Variants in JAK2 observed in about 807,000 individuals in gnomAD.
JAK2 encodes the protein tyrosine-protein kinase JAK2.
In JAK2, 86 loss-of-function variants were observed where a neutral mutation model predicts 139.3. The ratio of observed to expected loss-of-function variants is 0.62; its 90% confidence interval spans 0.52 to 0.74. JAK2 has a LOEUF of 0.74. JAK2 is among the 30% of genes least tolerant of loss of function. The probability of loss-of-function intolerance (pLI) is 0.00; values close to 1 mark genes in which losing one functional copy is unlikely to be tolerated. For synonymous variants in JAK2, 490 were observed against 437.7 expected (o/e 1.12, Z -1.49); for missense variants, 1,421 against 1,360.3 (o/e 1.04, Z -0.70).
At chr9:5,016,790 C>CT (rs1354298675) in intron 2 of JAK2, among the ~76,000 whole-genome samples, 1 of 152,110 alleles carries the variant, frequency 6.6e-6, no homozygotes, top group Admixed American at 6.5e-5. Context: ...ATTATCCTAA[C>CT]TTTTTTTCAC....
At chr9:5,073,852 C>A in intron 14 of JAK2, 67 bp downstream of exon 14, 1 of 1,052,598 alleles carries the variant, frequency 9.5e-7, no homozygotes, top group Non-Finnish European at 1.4e-6. Context: ...ATAGAAAATT[C>A]AGTTTCAGGA....
At chr9:4,984,754 G>A (rs1034390643), upstream of JAK2, 15 of 152,338 alleles carry the variant, frequency 9.8e-5, no homozygotes, top group Admixed American at 5.2e-4. Context: ...GCGCGCTGGG[G>A]AGCCAGCCAG....
intron 2 of JAK2, among the ~76,000 whole-genome samples, chr9:4,999,543 T>C (rs568496660): frequency 2.0e-5 from 3 of 152,262 alleles, no homozygotes; most frequent in South Asian, 4.1e-4. Context: ...AGGATATATA[T>C]ATGAGTTTAT....
intron 2 of JAK2, among the ~76,000 whole-genome samples, chr9:5,004,914 T>C (rs912832101): frequency 6.8e-6 from 1 of 146,774 alleles, no homozygotes; most frequent in Non-Finnish European, 1.5e-5. Context: ...CATTTACATA[T>C]TGTCTTTTTT....
chr9:5,000,474 G>A (rs1004072771), intron 2 of JAK2, among the ~76,000 whole-genome samples: 3 of 152,144 alleles, frequency 2.0e-5, no homozygotes, highest in Non-Finnish European at 1.5e-5. Context: ...AATATAAAGA[G>A]AAGCGTAACA....
intron 22 of JAK2, among the ~76,000 whole-genome samples, chr9:5,118,434 G>A (rs1823369762): frequency 6.6e-6 from 1 of 152,146 alleles, no homozygotes; most frequent in Admixed American, 6.5e-5. Context: ...CAACAAACTT[G>A]TAACTATTCA....
At chr9:5,010,095 A>G (rs532362816) in intron 2 of JAK2, among the ~76,000 whole-genome samples, 11 of 152,142 alleles carry the variant, frequency 7.2e-5, no homozygotes, top group East Asian at 1.9e-4. Flanking sequence ...AATAGAGTCT[A>G]TTTCCTCTAC....
rs139019268 is a variant in JAK2, at chr9:5,116,509, C to A, written c.3060-6495C>A. Among the ~76,000 whole-genome samples, 502 of 152,220 alleles carry A rather than the reference C, an allele frequency of 3.3e-3. 3 individuals are homozygous for A. The highest frequency in any genetic ancestry group is 5.5e-3 in the Non-Finnish European group (374 of 68,014). On this transcript the variant is annotated intron_variant, in intron 22 of 24. Transcript: ENST00000381652. ...TGTTTTGGCCATATCCCCAGTGATA[C>A]ATGAATTTAATTGTTTTTATTGTTT...
At chr9:5,039,305 A>C (rs537362114) in intron 4 of JAK2, among the ~76,000 whole-genome samples, 12 of 152,280 alleles carry the variant, frequency 7.9e-5, no homozygotes, top group Middle Eastern at 3.4e-3. Context: ...TTGTGCTTAC[A>C]CTGAACATGT....
At chr9:5,029,741 G>C (rs765377116) in intron 3 of JAK2, 42 bp from the exon 4 acceptor site, 3 of 1,552,824 alleles carry the variant, frequency 1.9e-6, no homozygotes, top group Non-Finnish European at 2.6e-6. Flanking sequence ...AAAATATTCT[G>C]TTGTGTACCT....
Position 5,080,461 on chromosome 9 carries a change from C to T in JAK2, c.2284-72C>T, listed in dbSNP as rs1023924916. On this transcript the variant is annotated intron_variant, in intron 17 of 24. Coordinates refer to ENST00000381652, the MANE Select transcript of JAK2 (RefSeq NM_004972.4). ...TTCACATGATTTGTATTTTTTAGCC[C>T]ATCTAATTTTAAAAAGAAGGTTGGT... 11 of 1,525,664 alleles carry T rather than the reference C, an allele frequency of 7.2e-6. No individual in the cohort carries two copies. In the African/African-American group the frequency reaches 1.4e-4, roughly 19 times the overall value. 94.5% of individuals were successfully genotyped at this position (1,525,664 alleles called of 1,614,324 possible).
chr9:5,093,162 G>C (rs1820716753), intron 22 of JAK2, among the ~76,000 whole-genome samples: 1 of 152,104 alleles, frequency 6.6e-6, no homozygotes, highest in African/African-American at 2.4e-5. Flanking sequence ...CTGACTGACA[G>C]TTAACAGCTA....
intron 2 of JAK2, among the ~76,000 whole-genome samples, chr9:5,015,899 A>G (rs1184811559): frequency 6.8e-6 from 1 of 146,764 alleles, no homozygotes; most frequent in African/African-American, 2.8e-5. Flanking sequence ...ATATAAAAAG[A>G]GTAAAAAATA....
chr9:5,078,478 A>G, intron 16 of JAK2, 34 bp downstream of exon 16: 1 of 1,560,976 alleles, frequency 6.4e-7, no homozygotes, highest in Non-Finnish European at 8.7e-7. Context: ...TAATGTTACT[A>G]AGCTTTACTT....
At chr9:5,103,382 A>ATATAGG (rs1340803255) in intron 22 of JAK2, among the ~76,000 whole-genome samples, 1 of 152,016 alleles carries the variant, frequency 6.6e-6, no homozygotes, top group East Asian at 1.9e-4. Flanking sequence ...TATACTAAAT[A>ATATAGG]TATAGGTACC....
intron 22 of JAK2, chr9:5,110,976 C>T (rs1586816322): frequency 1.6e-6 from 1 of 623,502 alleles, no homozygotes; most frequent in Non-Finnish European, 2.9e-6. Flanking sequence ...ACCTGGACTT[C>T]AGCATGATGT....
chr9:5,047,762 A>G (rs1239848667), intron 5 of JAK2, among the ~76,000 whole-genome samples: 3 of 151,872 alleles, frequency 2.0e-5, no homozygotes, highest in Non-Finnish European at 2.9e-5. Context: ...TGCCTGGCTA[A>G]TTTTTTTAGT....
chr9:5,119,506 A>T (rs994518336), intron 22 of JAK2, among the ~76,000 whole-genome samples: 1 of 152,124 alleles, frequency 6.6e-6, no homozygotes, highest in Non-Finnish European at 1.5e-5. Context: ...TCATGAGGGC[A>T]GTCAGGATAA....
rs567117713 is a variant in JAK2 at position 5,126,633 on chromosome 9, A to C, written c.3292-51A>C. 3 of 1,301,044 alleles carry C rather than the reference A, an allele frequency of 2.3e-6. No individual in the cohort carries two copies. The South Asian group carries it at 3.8e-5, about 16-fold the overall frequency. The allele number at this position is 1,301,044 out of a possible 1,614,324, so 80.6% of individuals were successfully genotyped here. Reference sequence around the variant, plus strand: ...GAAAATTAATGTCTTCCACCAATTAAAAGATGGCCCTTAGTGTTCATTTAA... The same window carrying C: ...GAAAATTAATGTCTTCCACCAATTACAAGATGGCCCTTAGTGTTCATTTAA... On this transcript the variant is annotated intron_variant, in intron 24 of 24. Transcript: ENST00000381652.
Sources: gnomAD v4.1 joint callset for allele counts (sites outside exome capture counted in the v4.1 genomes callset) on GRCh38, gnomAD v4.1.1 for gene constraint, MANE v1.5 for transcripts, NCBI Gene and HGNC (gene_info 2026-07-23, HGNC 2026-07-21) for gene names.